The following PSKH1 variants were observed in gnomAD, a reference collection of about 807,000 sequenced individuals.
PSKH1 encodes the protein protein serine kinase H1.
PSKH1 carries 12 observed loss-of-function variants against 26.7 expected under a neutral mutation model. The ratio of observed to expected loss-of-function variants is 0.45; its 90% CI spans 0.29 to 0.73. The LOEUF (loss-of-function observed/expected upper bound fraction) is 0.73, where lower values mean the gene tolerates loss of function less well. PSKH1 is among the 30% of genes least tolerant of loss of function. The pLI, the probability that PSKH1 is intolerant of heterozygous loss-of-function variation, is 0.11. For missense variants in PSKH1, 431 were observed against 595.2 expected, an observed-to-expected ratio of 0.72 and a Z score of 2.87; for synonymous variants, 213 against 234.3, an observed-to-expected ratio of 0.91 and a Z score of 0.83.
chr16:67,912,832 C>T (rs1175560478), intron 2 of PSKH1, among the ~76,000 whole-genome samples: 1 of 151,678 alleles, frequency 6.6e-6, no homozygotes, highest in East Asian at 2.0e-4. Context: ...TGTGCCATTG[C>T]ACTTCAGCCT....
In PSKH1 at chr16:67,927,532, G is replaced by A. The variant is rs1324257769; in HGVS notation, c.1165G>A (p.Ala389Thr). The change falls in exon 3 of 3, where the codon GCC (alanine) becomes ACC (threonine). Residue 389 changes from alanine (A) to threonine (T), a missense_variant. By Grantham distance (58) the Ala-to-Thr change is moderately conservative. Coordinates refer to ENST00000291041, the MANE Select transcript of PSKH1 (RefSeq NM_006742.3). This position sits in a 1 kb window ranked among gnomAD's most constrained non-coding sequence, Gnocchi z 5.5. ...ASSRCQSTKS[A>T]QSTRSSRSTR... is the part of the protein sequence containing the mutation. The stretch of plus-strand genomic sequence containing the variant: ...CTCGCGCTGCCAGAGCACCAAATCT[G>A]CCCAGTCCACGCGTTCCAGCCGCTC... 6.2e-7 allele frequency: 1 copy of A among 1,614,042 alleles called. No individual in the cohort carries two copies. Among genetic ancestry groups the A allele is most frequent in the South Asian group, 1.1e-5 (1 of 91,088 alleles).
At chr16:67,911,420 C>T (rs982115687) in intron 2 of PSKH1, among the ~76,000 whole-genome samples, 3 of 152,012 alleles carry the variant, frequency 2.0e-5, no homozygotes, top group Non-Finnish European at 2.9e-5. Context: ...CGGTGGCTCA[C>T]GCCTGTAATC....
intron 1 of PSKH1, among the ~76,000 whole-genome samples, chr16:67,897,644 T>C (rs1016327570): frequency 2.0e-5 from 3 of 152,204 alleles, no homozygotes; most frequent in African/African-American, 7.2e-5. Flanking sequence ...ATTTCTGGGT[T>C]GAACGTTGGG....
chr16:67,919,557 C>G (rs1017880244), intron 2 of PSKH1, among the ~76,000 whole-genome samples: 1 of 152,216 alleles, frequency 6.6e-6, no homozygotes, highest in Non-Finnish European at 1.5e-5. Context: ...GAAAAGCCAT[C>G]CCCACTTCAC....
At chr16:67,912,591 G>A (rs937087368) in intron 2 of PSKH1, among the ~76,000 whole-genome samples, 1 of 152,020 alleles carries the variant, frequency 6.6e-6, no homozygotes, top group Non-Finnish European at 1.5e-5. Flanking sequence ...TCTCCCAGCC[G>A]GGTACGGTGG....
At chr16:67,906,856 C>G (rs2151311814) in intron 1 of PSKH1, among the ~76,000 whole-genome samples, 1 of 152,240 alleles carries the variant, frequency 6.6e-6, no homozygotes, top group Middle Eastern at 3.4e-3. Context: ...GGGAATCAAA[C>G]TGGAAGGGAC....
intron 1 of PSKH1, among the ~76,000 whole-genome samples, chr16:67,901,207 G>A (rs945083587): frequency 3.3e-5 from 5 of 152,026 alleles, no homozygotes; most frequent in African/African-American, 1.2e-4. Context: ...TGGAGTACCC[G>A]CATCAGCCTA....
At position 67,895,320 on chromosome 16, in the gene PSKH1, C is replaced by T. The variant is rs562069718; in HGVS notation, c.-71+1949C>T. 3.9e-5 allele frequency among the ~76,000 whole-genome samples: 6 copies of T among 152,102 alleles called. No individual in the cohort carries two copies. The South Asian group carries it at 1.2e-3, about 32-fold the overall frequency. On this transcript the variant is annotated intron_variant, in intron 1 of 2. Coordinates refer to ENST00000291041, the MANE Select transcript of PSKH1 (RefSeq NM_006742.3). ...GCTCAAGCAGTCCTCCCACCTTGGC[C>T]TCCCGAAGTTTTAGGGTTACAGGCA...
intron 1 of PSKH1, among the ~76,000 whole-genome samples, chr16:67,906,312 T>C (rs1397624789): frequency 3.3e-5 from 5 of 151,930 alleles, no homozygotes. Context: ...CCTCTGGTGA[T>C]CCACCCGCCT....
At position 67,927,044 on chromosome 16, in the gene PSKH1, G is replaced by A. The variant is rs944408446; in HGVS notation, c.958-281G>A. Among the ~76,000 whole-genome samples, 1 of 152,174 alleles carries A rather than the reference G, an allele frequency of 6.6e-6. No homozygotes were observed. Among genetic ancestry groups the A allele is most frequent in the African/African-American group, 2.4e-5 (1 of 41,436 alleles). ...CTGGGACAAGTTCGGGGGGGTCTTG[G>A]CAGAGGCCATCTCCCTGAGCCAGGC... On this transcript the variant is annotated intron_variant, in intron 2 of 2. Coordinates refer to ENST00000291041, the MANE Select transcript of PSKH1 (RefSeq NM_006742.3). The surrounding 1 kb of genome is among the most constrained non-coding windows in gnomAD (Gnocchi z 5.5).
intron 1 of PSKH1, among the ~76,000 whole-genome samples, chr16:67,899,601 C>G (rs1483326406): frequency 6.6e-6 from 1 of 151,988 alleles, no homozygotes; most frequent in Non-Finnish European, 1.5e-5. Flanking sequence ...TCCCAAAATG[C>G]CGGGATTACA....
intron 1 of PSKH1, among the ~76,000 whole-genome samples, chr16:67,904,684 G>A (rs1015918088): frequency 4.6e-5 from 7 of 151,908 alleles, no homozygotes; most frequent in African/African-American, 9.7e-5. Flanking sequence ...GTCTCACTGT[G>A]TTGTCCAGGC....
chr16:67,920,072 G>T (rs1014662599), intron 2 of PSKH1, among the ~76,000 whole-genome samples: 1 of 152,160 alleles, frequency 6.6e-6, no homozygotes, highest in African/African-American at 2.4e-5. Context: ...ACAAAGAGCA[G>T]GGTGTGGTGG....
intron 1 of PSKH1, among the ~76,000 whole-genome samples, chr16:67,906,876 C>G (rs1020897046): frequency 6.6e-6 from 1 of 152,058 alleles, no homozygotes; most frequent in African/African-American, 2.4e-5. Flanking sequence ...CCCTGGATCC[C>G]CATCATAAGG....
chr16:67,925,228 G>A (rs1364544885), intron 2 of PSKH1, among the ~76,000 whole-genome samples: 4 of 149,252 alleles, frequency 2.7e-5, no homozygotes, highest in Non-Finnish European at 3.0e-5. Context: ...ACGGAGTCTC[G>A]CTCTGTTGCC....
At position 67,898,140 on chromosome 16, in the gene PSKH1, G is replaced by A. The variant is rs988737627; in HGVS notation, c.-71+4769G>A. On this transcript the variant is annotated intron_variant, in intron 1 of 2. Coordinates refer to ENST00000291041, the MANE Select transcript of PSKH1 (RefSeq NM_006742.3). ...GCTGGGATTACAGGCGTAAGCCACC[G>A]CGCCCAGCCACACCCAGCTAATTTT... is the stretch of plus-strand genomic sequence containing the variant. 4.6e-5 allele frequency among the ~76,000 whole-genome samples: 7 copies of A among 151,962 alleles called. No individual in the cohort carries two copies. The East Asian group carries it at 7.7e-4, about 17-fold the overall frequency.
rs2058163279 is a variant in PSKH1 at position 67,908,708 on chromosome 16, G to T, written c.-42G>T. The T allele has an allele frequency of 3.9e-6, 6 of 1,529,484 alleles. No individual in the cohort carries two copies. The highest frequency in any genetic ancestry group is 5.3e-6 in the Non-Finnish European group (6 of 1,128,372). 94.7% of individuals were successfully genotyped at this position (1,529,484 alleles called of 1,614,324 possible). ...TAGACGGGGCACTGCCTTCAGAGCAGGTCCTGCCAGCCTCGCTGGAGAGGA... is the reference window on the plus strand; with the variant it reads ...TAGACGGGGCACTGCCTTCAGAGCATGTCCTGCCAGCCTCGCTGGAGAGGA... On this transcript the variant is annotated 5_prime_UTR_variant, in exon 2 of 3. In the 5' UTR this introduces an upstream ATG that the reference lacks. Transcript: ENST00000291041.
chr16:67,909,612 A>G lies in PSKH1; in HGVS notation c.863A>G (p.Tyr288Cys). The G allele has an allele frequency of 6.2e-7, 1 of 1,614,028 alleles. No homozygotes were observed. Among genetic ancestry groups the G allele is most frequent in the East Asian group, 2.2e-5 (1 of 44,892 alleles). The change falls in exon 2 of 3, where the codon TAC (tyrosine) becomes TGC (cysteine). Residue 288 changes from tyrosine to cysteine, a missense_variant. Tyr to Cys is a radical substitution (Grantham distance 194). Coordinates refer to ENST00000291041, the MANE Select transcript of PSKH1 (RefSeq NM_006742.3). The surrounding 1 kb of genome is among the most constrained non-coding windows in gnomAD (Gnocchi z 7.8). ...VDMWALGVIA[Y>C]ILLSGTMPFE... ...ATGTGGGCGCTGGGCGTCATTGCCT[A>G]CATCCTACTCAGTGGCACCATGCCG...
chr16:67,927,449 C>G lies in PSKH1; in HGVS notation c.1082C>G (p.Ser361Cys). 1 of 1,614,226 alleles carries G rather than the reference C, an allele frequency of 6.2e-7. No homozygotes were observed. The highest frequency in any genetic ancestry group is 2.2e-5 in the East Asian group (1 of 44,888). Residue 361 changes from serine (S) to cysteine (C), a missense_variant, in exon 3 of 3, where the codon TCT (serine) becomes TGT (cysteine). Coordinates refer to ENST00000291041, the MANE Select transcript of PSKH1 (RefSeq NM_006742.3). This position sits in a 1 kb window ranked among gnomAD's most constrained non-coding sequence, Gnocchi z 5.5. ...RHPWVVSMAASSSMKNLHRSI... is the reference protein window; with the variant it reads ...RHPWVVSMAACSSMKNLHRSI... ...CCGTGGGTGGTGAGCATGGCTGCCT[C>G]TTCATCCATGAAGAACCTGCACCGC...
Sources: gnomAD v4.1 joint callset for allele counts (sites outside exome capture counted in the v4.1 genomes callset) on GRCh38, gnomAD v4.1.1 for gene constraint, Gnocchi (gnomAD v3.1) non-coding constraint, MANE v1.5 for transcripts, NCBI Gene and HGNC (gene_info 2026-07-23, HGNC 2026-07-21) for gene names.